The following LRP12 variants were observed in gnomAD, a reference collection of about 807,000 sequenced individuals.
LRP12 encodes the protein LDL receptor related protein 12.
LRP12 carries 14 observed loss-of-function variants against 66.0 expected under a neutral mutation model. The ratio of observed to expected loss-of-function variants is 0.21; its 90% CI spans 0.14 to 0.33. LRP12 has a LOEUF of 0.33. Among genes scored for constraint, LRP12 ranks in the 10% least tolerant of loss-of-function variants. The pLI, the probability that LRP12 is intolerant of heterozygous loss-of-function variation, is 1.00. For synonymous variants in LRP12, 357 were observed against 359.1 expected, an observed-to-expected ratio of 0.99 and a Z score of 0.07; for missense variants, 889 against 1,053.4, an observed-to-expected ratio of 0.84 and a Z score of 2.16.
chr8:104,549,495 C>T (rs915843740), intron 1 of LRP12, among the ~76,000 whole-genome samples: 41 of 151,052 alleles, frequency 2.7e-4, no homozygotes, highest in Admixed American at 1.5e-3. Context: ...CTCTGCCTCC[C>T]GGGTTCATGC....
chr8:104,499,350 A>C lies in LRP12; in HGVS notation c.442T>G (p.Ser148Ala), dbSNP rs1471049393. 3 of 1,613,512 alleles carry C rather than the reference A, an allele frequency of 1.9e-6. No individual in the cohort carries two copies. The highest frequency in any genetic ancestry group is 2.5e-6 in the Non-Finnish European group (3 of 1,179,790). ...WIRFHSDDNI[S>A]RKGFRLAYFS... is the part of the protein sequence containing the mutation. ...TATGCCAGTCTGAAACCCTTTCTAG[A>C]GATGTTGTCATCCGAATGAAACCTA... Residue 148 changes from serine to alanine, a missense_variant, in exon 4 of 7, where the codon TCT becomes GCT. Ser to Ala is a moderately conservative substitution (Grantham distance 99). This residue lies in a region of LRP12 where 800 missense variants were observed against 964.5 expected (regional missense o/e 0.83). Coordinates refer to ENST00000276654, the MANE Select transcript of LRP12 (RefSeq NM_013437.5).
chr8:104,496,163 T>C (rs3018437), intron 5 of LRP12: 138,607 of 152,246 alleles, frequency 0.91, 63,328 homozygotes, highest in East Asian at 1. Flanking sequence ...TGAAGGTCAC[T>C]CTTTAACAGT....
At chr8:104,511,333 C>T (rs949806223) in intron 2 of LRP12, among the ~76,000 whole-genome samples, 3 of 151,534 alleles carry the variant, frequency 2.0e-5, no homozygotes, top group Non-Finnish European at 2.9e-5. Flanking sequence ...TGAGCCACCG[C>T]GCCCAGCATT....
Position 104,577,955 on chromosome 8 carries a change from T to C in LRP12, c.79+10864A>G, listed in dbSNP as rs140400279. On this transcript the variant is annotated intron_variant, in intron 1 of 6. Transcript: ENST00000276654. ...TGCCCACATCAAAAAGTTAGAAAGA[T>C]TGCAAATTAACAACTTAACATCACA... Among the ~76,000 whole-genome samples the C allele has an allele frequency of 5.0e-3, 761 of 151,866 alleles. 8 individuals carry two copies. Among genetic ancestry groups the C allele is most frequent in the African/African-American group, 0.017 (707 of 41,388 alleles).
At chr8:104,502,060 T>G (rs1401281052) in intron 3 of LRP12, among the ~76,000 whole-genome samples, 1 of 152,204 alleles carries the variant, frequency 6.6e-6, no homozygotes, top group African/African-American at 2.4e-5. Flanking sequence ...GATACTAATT[T>G]TTGTTCTATC....
intron 3 of LRP12, 125 bp downstream of exon 3, chr8:104,508,814 G>A (rs1588486418): frequency 1.3e-6 from 1 of 791,980 alleles, no homozygotes; most frequent in East Asian, 2.7e-5. Context: ...ATAGCTAATA[G>A]CTGTTCTTTA....
Position 104,588,948 on chromosome 8 carries a change from A to C in LRP12, c.-51T>G. ...GAGGAGACGGAGGAGGAGGGAGGAG[A>C]AGCTGGAGGTAGACGACGCCGACGC... On this transcript the variant is annotated 5_prime_UTR_variant, in exon 1 of 7. Coordinates refer to ENST00000276654, the MANE Select transcript of LRP12 (RefSeq NM_013437.5). 1 of 1,366,464 alleles carries C rather than the reference A, an allele frequency of 7.3e-7. No homozygotes were observed. The highest frequency in any genetic ancestry group is 2.6e-5 in the East Asian group (1 of 37,888). 84.6% of individuals were successfully genotyped at this position (1,366,464 alleles called of 1,614,324 possible). A position where few individuals can be genotyped will look rare whatever the true frequency, so the allele number is the denominator to read the frequency against.
At position 104,508,930 on chromosome 8, in the gene LRP12, T is replaced by C. The variant is rs374730887; in HGVS notation, c.272+9A>G. The C allele has an allele frequency of 1.1e-5, 17 of 1,606,254 alleles. No homozygotes were observed. The highest frequency in any genetic ancestry group is 8.9e-5 in the East Asian group (4 of 44,816). On this transcript the variant is annotated intron_variant, in intron 3 of 6. Coordinates refer to ENST00000276654, the MANE Select transcript of LRP12 (RefSeq NM_013437.5). ...TAAATTATATAGTAATACAGAAAGG[T>C]AGAATTACCTTATAGTAATGATTTC...
intron 1 of LRP12, among the ~76,000 whole-genome samples, chr8:104,551,856 C>T (rs1811729784): frequency 1.3e-5 from 2 of 152,080 alleles, no homozygotes; most frequent in South Asian, 4.1e-4. Context: ...CTTGCTATTC[C>T]CCAGCAACCA....
At chr8:104,581,088 G>C (rs1163066562) in intron 1 of LRP12, among the ~76,000 whole-genome samples, 1 of 152,170 alleles carries the variant, frequency 6.6e-6, no homozygotes, top group African/African-American at 2.4e-5. Flanking sequence ...ATATACCATA[G>C]AATACTATGT....
rs77821650 is a variant in LRP12 at position 104,491,626 on chromosome 8, G to A, written c.1714-87C>T. The A allele has an allele frequency of 4.0e-3, 4,366 of 1,102,072 alleles. 143 individuals carry two copies. The East Asian group carries it at 0.073, about 18-fold the overall frequency. The allele number at this position is 1,102,072 out of a possible 1,614,324, so 68.3% of individuals were successfully genotyped here. ...AAAAACACCCTTCTATTAAGAATGT[G>A]TTGTGGTTAAAAATTCTGTTACTCA... On this transcript the variant is annotated intron_variant, in intron 6 of 6. Transcript: ENST00000276654.
rs2140842928 is a variant in LRP12 at position 104,509,022 on chromosome 8, G to A, written c.189C>T (p.Ser63=). 1.2e-6 allele frequency: 2 copies of A among 1,613,902 alleles called. No individual in the cohort carries two copies. Among genetic ancestry groups the A allele is most frequent in the Non-Finnish European group, 1.7e-6 (2 of 1,179,838 alleles). ...CAGGATATTCAGAAGGCCAGCCTGG[G>A]CTTGTGATTATGCCACTTGGTGCTC... ...QIRAPSGIIT[S]PGWPSEYPAK... is the part of the protein sequence containing the mutation. The change falls in exon 3 of 7, where the codon AGC becomes AGT. Residue 63 remains serine (S), a synonymous_variant. Transcript: ENST00000276654.
At chr8:104,560,839 G>A (rs1811895709) in intron 1 of LRP12, among the ~76,000 whole-genome samples, 1 of 152,038 alleles carries the variant, frequency 6.6e-6, no homozygotes, top group African/African-American at 2.4e-5. Flanking sequence ...TGGTTGTTGC[G>A]CTTAAGTCTC....
At chr8:104,499,210 G>T in intron 4 of LRP12, 107 bp downstream of exon 4, 1 of 828,248 alleles carries the variant, frequency 1.2e-6, no homozygotes, top group Non-Finnish European at 1.9e-6. Flanking sequence ...CTGCCTCAAG[G>T]GCCTACTCCT....
intron 1 of LRP12, among the ~76,000 whole-genome samples, chr8:104,548,121 TATATA>T (rs1333010041): frequency 6.7e-5 from 7 of 104,968 alleles, no homozygotes; most frequent in Non-Finnish European, 1.2e-4. Context: ...TTATATTTTG[TATATA>T]ATATATAATT....
At chr8:104,504,267 T>C (rs1810872532) in intron 3 of LRP12, 1 of 152,064 alleles carries the variant, frequency 6.6e-6, no homozygotes, top group African/African-American at 2.4e-5. Context: ...TTGCTTTGAG[T>C]TTTATCTATT....
intron 2 of LRP12, among the ~76,000 whole-genome samples, 155 bp downstream of exon 2, chr8:104,531,752 T>G (rs536287359): frequency 1.3e-5 from 2 of 152,290 alleles, no homozygotes; most frequent in Non-Finnish European, 2.9e-5. Context: ...TTATGAGAAT[T>G]TCTCCATGTT....
Position 104,568,646 on chromosome 8 carries a change from A to C in LRP12, c.79+20173T>G, listed in dbSNP as rs1812038440. On this transcript the variant is annotated intron_variant, in intron 1 of 6. Transcript: ENST00000276654. The stretch of plus-strand genomic sequence containing the variant: ...TGAATAGACATTTCTTCAGAGTATA[A>C]ACACAAAAGGCCAATAAACATATGA... Among the ~76,000 whole-genome samples, 4 of 152,156 alleles carry C rather than the reference A, an allele frequency of 2.6e-5. No homozygotes were observed. The South Asian group carries it at 8.3e-4, about 32-fold the overall frequency.
chr8:104,561,228 T>G (rs748626460), intron 1 of LRP12, among the ~76,000 whole-genome samples: 1 of 152,204 alleles, frequency 6.6e-6, no homozygotes. Context: ...CTACAGAAGC[T>G]TGATCTTAAT....
Sources: gnomAD v4.1 joint callset for allele counts (sites outside exome capture counted in the v4.1 genomes callset) on GRCh38, gnomAD v4.1.1 for gene constraint, gnomAD v4.1.1 regional missense constraint, MANE v1.5 for transcripts, NCBI Gene and HGNC (gene_info 2026-07-23, HGNC 2026-07-21) for gene names.